The following FBN2 variants were observed in gnomAD, a reference collection of about 807,000 sequenced individuals.
FBN2 encodes the protein fibrillin 2.
In FBN2, 105 loss-of-function variants were observed where a neutral mutation model predicts 355.6. The ratio of observed to expected loss-of-function variants is 0.30; its 90% CI spans 0.25 to 0.35. The LOEUF (loss-of-function observed/expected upper bound fraction) is 0.35. Among genes scored for constraint, FBN2 ranks in the 10% least tolerant of loss-of-function variants. FBN2 has a pLI of 1.00. For synonymous variants in FBN2, 1,350 were observed against 1,301.2 expected (o/e 1.04, Z -0.81); for missense variants, 3,280 against 3,758.7 (o/e 0.87, Z 3.33).
chr5:128,299,554 C>T (rs1010052576), intron 48 of FBN2, among the ~76,000 whole-genome samples: 14 of 152,266 alleles, frequency 9.2e-5, no homozygotes, highest in African/African-American at 2.2e-4. Context: ...GTCGGAAAAC[C>T]GCAGTATTCG....
At chr5:128,342,419 G>A (rs74764875) in intron 25 of FBN2, among the ~76,000 whole-genome samples, 1 of 152,088 alleles carries the variant, frequency 6.6e-6, no homozygotes, top group Non-Finnish European at 1.5e-5. Flanking sequence ...GTGCCTGAGT[G>A]ACAGAGGGCA....
Position 128,537,425 on chromosome 5 carries a change from G to T in FBN2, c.179C>A (p.Ala60Glu). 1 of 1,609,490 alleles carries T rather than the reference G, an allele frequency of 6.2e-7. No homozygotes were observed. The highest frequency in any genetic ancestry group is 8.5e-7 in the Non-Finnish European group (1 of 1,179,182). ...GGCACCCTCCTCGCGATACTCGGGC[G>T]CTAGAAACCCGCCTTCAGAGCCTGC... ...ATAGSEGGFLAPEYREEGAAV... is the reference protein window; with the variant it reads ...ATAGSEGGFLEPEYREEGAAV... Residue 60 changes from alanine (A) to glutamate (E), a missense_variant, in exon 1 of 65, where the codon GCG becomes GAG. This residue lies in a region of FBN2 where 203 missense variants were observed against 142.2 expected (regional missense o/e 1.43). Coordinates refer to ENST00000262464, the MANE Select transcript of FBN2 (RefSeq NM_001999.4).
chr5:128,261,593 T>C (rs1764971459), intron 64 of FBN2, 143 bp downstream of exon 64: 1 of 765,412 alleles, frequency 1.3e-6, no homozygotes. Context: ...TTTACTTGTC[T>C]TTTCCATACT....
At chr5:128,319,033 T>A (rs750027896) in intron 34 of FBN2, 32 bp from the exon 35 acceptor site, 4 of 1,546,556 alleles carry the variant, frequency 2.6e-6, no homozygotes, top group Non-Finnish European at 3.6e-6. Context: ...AATCTCTTAT[T>A]TAAGAAGACA....
Position 128,259,777 on chromosome 5 carries a change from T to A in FBN2, c.8417A>T (p.Lys2806Met), listed in dbSNP as rs565816741. 1.1e-5 allele frequency: 18 copies of A among 1,613,842 alleles called. No individual in the cohort carries two copies. The South Asian group carries it at 1.9e-4, about 17-fold the overall frequency. The change falls in exon 65 of 65, where the codon AAG becomes ATG. Residue 2806 changes from lysine (K) to methionine (M), a missense_variant. Physicochemically the swap from Lys to Met is moderately conservative, Grantham distance 95. Around this residue, in one of 6 missense-constraint regions of FBN2, gnomAD observed 311 missense variants for 319.1 expected, o/e 0.97. Coordinates refer to ENST00000262464, the MANE Select transcript of FBN2 (RefSeq NM_001999.4). ...AGAGCCGAGGTGGGAGAGGTTGAAC[T>A]TCATGTTGACGGGGCTGTCCATGTC... ...SVDMDSPVNMKFNLSHLGSKE... is the reference protein window; with the variant it reads ...SVDMDSPVNMMFNLSHLGSKE...
Position 128,287,280 on chromosome 5 carries a change from C to T in FBN2, c.6880+28G>A, listed in dbSNP as rs190895746. ...TATCTCCAGCATGACAAATAAAGTT[C>T]GAACTACTCCCGAGTCTGAGGCCTT... On this transcript the variant is annotated intron_variant, in intron 54 of 64. Transcript: ENST00000262464. 7.6e-5 allele frequency: 122 copies of T among 1,612,706 alleles called. No individual in the cohort carries two copies. The East Asian group carries it at 2.5e-3, about 33-fold the overall frequency.
intron 31 of FBN2, among the ~76,000 whole-genome samples, chr5:128,333,300 G>A (rs943307073): frequency 2.0e-5 from 3 of 152,048 alleles, no homozygotes; most frequent in Non-Finnish European, 4.4e-5. Context: ...GTTGCTCCCC[G>A]GCAGGTATGT....
At chr5:128,527,190 C>A (rs993564778) in intron 4 of FBN2, among the ~76,000 whole-genome samples, 2 of 152,110 alleles carry the variant, frequency 1.3e-5, no homozygotes, top group Non-Finnish European at 2.9e-5. Flanking sequence ...AAATGTCCCA[C>A]AATTTAGAGA....
intron 3 of FBN2, among the ~76,000 whole-genome samples, chr5:128,530,170 A>T (rs1330183374): frequency 6.6e-6 from 1 of 152,176 alleles, no homozygotes; most frequent in Admixed American, 6.5e-5. Flanking sequence ...CACAGTTATA[A>T]TTATCTTATG....
intron 2 of FBN2, among the ~76,000 whole-genome samples, chr5:128,531,726 A>G (rs1301224777): frequency 2.0e-5 from 3 of 149,536 alleles, no homozygotes; most frequent in Admixed American, 6.7e-5. Flanking sequence ...ATGTGTGTAT[A>G]TATATATATA....
At chr5:128,280,147 A>G in intron 56 of FBN2, 45 bp downstream of exon 56, 7 of 1,540,230 alleles carry the variant, frequency 4.5e-6, no homozygotes, top group Non-Finnish European at 5.4e-6. Context: ...CATCATGAAC[A>G]GATGTTTTAT....
At chr5:128,278,365 C>T (rs750535507) in intron 57 of FBN2, among the ~76,000 whole-genome samples, 1 of 152,162 alleles carries the variant, frequency 6.6e-6, no homozygotes, top group South Asian at 2.1e-4. Flanking sequence ...TAGCTTTGTG[C>T]TTCATTTTCC....
chr5:128,333,065 C>T, intron 31 of FBN2, 31 bp from the exon 32 acceptor site: 2 of 1,586,256 alleles, frequency 1.3e-6, no homozygotes, highest in East Asian at 4.5e-5. Context: ...AGAAGAAAAT[C>T]AAAATACAAA....
intron 11 of FBN2, among the ~76,000 whole-genome samples, chr5:128,380,097 CT>C (rs1752190942): frequency 6.6e-6 from 1 of 152,010 alleles, no homozygotes; most frequent in African/African-American, 2.4e-5. Flanking sequence ...GGACTAAATC[CT>C]TTTCCATCCA....
intron 15 of FBN2, 142 bp downstream of exon 15, chr5:128,374,486 T>A: frequency 8.7e-7 from 1 of 1,154,578 alleles, no homozygotes; most frequent in Non-Finnish European, 1.3e-6. Context: ...TTCTTTCACT[T>A]AGCATAATCT....
At chr5:128,439,309 A>G (rs1274208462) in intron 7 of FBN2, among the ~76,000 whole-genome samples, 3 of 152,178 alleles carry the variant, frequency 2.0e-5, no homozygotes, top group African/African-American at 7.2e-5. Flanking sequence ...TTTGATAGAT[A>G]TTTCTAAATT....
intron 11 of FBN2, among the ~76,000 whole-genome samples, chr5:128,386,967 G>C (rs945492465): frequency 3.3e-5 from 5 of 152,118 alleles, no homozygotes; most frequent in Non-Finnish European, 7.4e-5. Context: ...GAATGAGTTA[G>C]GAAGGAGTTC....
rs527497309 is a variant in FBN2, at chr5:128,349,636, G to A, written c.2864-164C>T. 5.9e-5 allele frequency among the ~76,000 whole-genome samples: 9 copies of A among 152,214 alleles called. No homozygotes were observed. The East Asian group carries it at 1.5e-3, about 26-fold the overall frequency. ...ACAACCGAGCCACCCGCTTTCCTAG[G>A]TACCAGCTGTGAAAATTACCACAGC... On this transcript the variant is annotated intron_variant, in intron 22 of 64. Coordinates refer to ENST00000262464, the MANE Select transcript of FBN2 (RefSeq NM_001999.4).
At chr5:128,377,691 T>C in intron 13 of FBN2, 61 bp downstream of exon 13, 3 of 1,562,602 alleles carry the variant, frequency 1.9e-6, no homozygotes, top group African/African-American at 1.4e-5. Context: ...TAGTACATGG[T>C]TCTAAATAAA....
Sources: allele counts gnomAD v4.1 joint callset (sites outside exome capture counted in the v4.1 genomes callset), GRCh38; gene constraint gnomAD v4.1.1; regional missense constraint gnomAD v4.1.1; transcripts MANE v1.5; gene names NCBI Gene and HGNC (gene_info 2026-07-23, HGNC 2026-07-21).